ZBTB46: variants seen among roughly 807,000 people sequenced by gnomAD.
The protein encoded by ZBTB46 is zinc finger and BTB domain containing 46.
In ZBTB46, 8 loss-of-function variants were observed where a neutral mutation model predicts 44.1. The observed-to-expected ratio is 0.18, with a 90% confidence interval of 0.11 to 0.33. The LOEUF is 0.33. ZBTB46 is among the 10% of genes least tolerant of loss of function. The pLI, the probability that ZBTB46 is intolerant of heterozygous loss-of-function variation, is 1.00. For synonymous variants in ZBTB46, 409 were observed against 382.3 expected, an observed-to-expected ratio of 1.07 and a Z score of -0.81; for missense variants, 651 against 847.7, an observed-to-expected ratio of 0.77 and a Z score of 2.88.
At position 63,803,421 on chromosome 20, in the gene ZBTB46, G is replaced by C; in HGVS notation, c.-33-12631C>G. 1.0e-6 allele frequency: 1 copy of C among 985,402 alleles called. No individual in the cohort carries two copies. Among genetic ancestry groups the C allele is most frequent in the African/African-American group, 1.7e-5 (1 of 57,342 alleles). The allele number at this position is 985,402 out of a possible 1,614,324, so 61.0% of individuals were successfully genotyped here. A position where few individuals can be genotyped will look rare whatever the true frequency, so the allele number is the denominator to read the frequency against. On this transcript the variant is annotated intron_variant, in intron 1 of 4. Coordinates refer to ENST00000245663, the MANE Select transcript of ZBTB46 (RefSeq NM_001369741.1). This position sits in a 1 kb window ranked among gnomAD's most constrained non-coding sequence, Gnocchi z 4.0. ...AGACATGTTAGCAGAGTCGTCTTTCGACAGCGAGACCGGTGGTACTATCCA... is the reference window on the plus strand; with the variant it reads ...AGACATGTTAGCAGAGTCGTCTTTCCACAGCGAGACCGGTGGTACTATCCA...
Position 63,796,423 on chromosome 20 carries a change from C to T in ZBTB46, c.-33-5633G>A, listed in dbSNP as rs1401750992. Among the ~76,000 whole-genome samples the T allele has an allele frequency of 5.5e-4, 84 of 152,260 alleles. 2 individuals carry two copies. The highest frequency in any genetic ancestry group is 5.5e-3 in the Admixed American group (84 of 15,284). On this transcript the variant is annotated intron_variant, in intron 1 of 4. Transcript: ENST00000245663. ...CCACTCAGCGGGCAAGAACGACCCTCTCAAACATCAACTCACACTGTTTTA... is the reference window on the plus strand; with the variant it reads ...CCACTCAGCGGGCAAGAACGACCCTTTCAAACATCAACTCACACTGTTTTA...
rs1042737713 is a variant in ZBTB46 at position 63,744,691 on chromosome 20, A to C, written c.*2239T>G. Reference sequence around the variant, plus strand: ...CTCTTCAGTCGGCAAACTGCGAACAAGAACAGGAAATCTGCCACGCAGCAA... The same window carrying C: ...CTCTTCAGTCGGCAAACTGCGAACACGAACAGGAAATCTGCCACGCAGCAA... On this transcript the variant is annotated 3_prime_UTR_variant, in exon 5 of 5. Transcript: ENST00000245663. 6.6e-6 allele frequency: 1 copy of C among 152,422 alleles called. No individual in the cohort carries two copies. Among genetic ancestry groups the C allele is most frequent in the African/African-American group, 2.4e-5 (1 of 41,470 alleles). 9.4% of individuals were successfully genotyped at this position (152,422 alleles called of 1,614,324 possible). A position where few individuals can be genotyped will look rare whatever the true frequency, so the allele number is the denominator to read the frequency against.
In ZBTB46 at chr20:63,803,466, G is replaced by C; in HGVS notation, c.-33-12676C>G. 1.0e-6 allele frequency: 1 copy of C among 985,406 alleles called. No homozygotes were observed. The highest frequency in any genetic ancestry group is 1.2e-6 in the Non-Finnish European group (1 of 829,926). The allele number at this position is 985,406 out of a possible 1,614,324, so 61.0% of individuals were successfully genotyped here. On this transcript the variant is annotated intron_variant, in intron 1 of 4. Coordinates refer to ENST00000245663, the MANE Select transcript of ZBTB46 (RefSeq NM_001369741.1). This position sits in a 1 kb window ranked among gnomAD's most constrained non-coding sequence, Gnocchi z 4.0. Reference sequence around the variant, plus strand: ...TATCCACATCATCTCCAGTGAGCAAGTGGGTGCTGGCGATGAGGACTTTAG... The same window carrying C: ...TATCCACATCATCTCCAGTGAGCAACTGGGTGCTGGCGATGAGGACTTTAG...
intron 3 of ZBTB46, among the ~76,000 whole-genome samples, chr20:63,773,935 A>C (rs2092397999): frequency 6.6e-6 from 1 of 151,884 alleles, no homozygotes. Context: ...TTTGCATTTG[A>C]GAGGGGACGG....
At position 63,828,218 on chromosome 20, in the gene ZBTB46, G is replaced by C. The variant is rs143849137; in HGVS notation, c.-34+2879C>G. 2.9e-3 allele frequency among the ~76,000 whole-genome samples: 447 copies of C among 152,362 alleles called. 4 individuals are homozygous for C. Among genetic ancestry groups the C allele is most frequent in the African/African-American group, 0.01 (430 of 41,590 alleles). ...GTCTGTATATGTGAGGCACTCAAAG[G>C]GTCTAAGTGATAACAGAAAAGCAGG... On this transcript the variant is annotated intron_variant, in intron 1 of 4. Coordinates refer to ENST00000245663, the MANE Select transcript of ZBTB46 (RefSeq NM_001369741.1).
At chr20:63,802,921 C>T (rs994469030) in intron 1 of ZBTB46, among the ~76,000 whole-genome samples, 4 of 152,244 alleles carry the variant, frequency 2.6e-5, no homozygotes, top group Non-Finnish European at 5.9e-5. Context: ...CTCCGGCCTC[C>T]AGGACTGGAG....
intron 2 of ZBTB46, among the ~76,000 whole-genome samples, chr20:63,785,942 G>A (rs970999039): frequency 6.6e-6 from 1 of 152,190 alleles, no homozygotes; most frequent in Non-Finnish European, 1.5e-5. Flanking sequence ...CCTTCTGCTC[G>A]ACAACTGCAT....
intron 3 of ZBTB46, among the ~76,000 whole-genome samples, chr20:63,755,261 C>G (rs570167739): frequency 1.3e-5 from 2 of 152,336 alleles, no homozygotes; most frequent in South Asian, 4.1e-4. Flanking sequence ...AAGCGTGAGG[C>G]TCAGAACAGC....
intron 1 of ZBTB46, among the ~76,000 whole-genome samples, chr20:63,821,692 C>T (rs1473099856): frequency 1.3e-5 from 2 of 152,110 alleles, no homozygotes; most frequent in Non-Finnish European, 2.9e-5. Context: ...AGGTGATCTG[C>T]CCACCTCGGC....
At position 63,747,221 on chromosome 20, in the gene ZBTB46, A is replaced by G. The variant is rs1406198920; in HGVS notation, c.1479T>C (p.His493=). The part of the protein sequence containing the change: ...FMSAASVGIR[H]GSRRHGVCTD... Reference sequence around the variant, plus strand: ...TGCACACACCGTGGCGCCTGGAGCCATGCCTGATGCCCACGCTGGCGGCGG... The same window carrying G: ...TGCACACACCGTGGCGCCTGGAGCCGTGCCTGATGCCCACGCTGGCGGCGG... The change falls in exon 5 of 5, where the codon CAT becomes CAC. Residue 493 remains histidine (H), a synonymous_variant. Transcript: ENST00000245663. 1.3e-6 allele frequency: 2 copies of G among 1,597,896 alleles called. No individual in the cohort carries two copies. The highest frequency in any genetic ancestry group is 1.7e-5 in the Admixed American group (1 of 58,714).
intron 3 of ZBTB46, among the ~76,000 whole-genome samples, chr20:63,765,089 G>C (rs999750306): frequency 1.5e-5 from 2 of 129,462 alleles, no homozygotes; most frequent in African/African-American, 3.2e-5. Flanking sequence ...GTGCATGTGT[G>C]CATGTGTATG....
chr20:63,778,624 G>C (rs540109248), intron 2 of ZBTB46, among the ~76,000 whole-genome samples: 1 of 152,198 alleles, frequency 6.6e-6, no homozygotes, highest in South Asian at 2.1e-4. Flanking sequence ...TGGCAGGAGC[G>C]GGTGGGAGTC....
At chr20:63,796,888 G>A (rs2092608035) in intron 1 of ZBTB46, among the ~76,000 whole-genome samples, 2 of 151,892 alleles carry the variant, frequency 1.3e-5, no homozygotes, top group Admixed American at 1.3e-4. Context: ...TAATCTAACA[G>A]GCCAGGCACG....
In ZBTB46 at chr20:63,767,754, C is replaced by T. The variant is rs1040763597; in HGVS notation, c.1222+7924G>A. The T allele has an allele frequency of 2.6e-5, 11 of 425,140 alleles. No homozygotes were observed. The highest frequency in any genetic ancestry group is 3.5e-5 in the Non-Finnish European group (11 of 317,624). The allele number at this position is 425,140 out of a possible 1,614,324, so 26.3% of individuals were successfully genotyped here. ...GCTGGCCTCAGGGTAAAGCTGTCAGCGCCCAAGGAGCTCCAGGCGAGGCCA... is the reference window on the plus strand; with the variant it reads ...GCTGGCCTCAGGGTAAAGCTGTCAGTGCCCAAGGAGCTCCAGGCGAGGCCA... On this transcript the variant is annotated intron_variant, in intron 3 of 4. Coordinates refer to ENST00000245663, the MANE Select transcript of ZBTB46 (RefSeq NM_001369741.1). This position sits in a 1 kb window ranked among gnomAD's most constrained non-coding sequence, Gnocchi z 5.0.
At chr20:63,820,675 G>A (rs1315789068) in intron 1 of ZBTB46, among the ~76,000 whole-genome samples, 3 of 151,888 alleles carry the variant, frequency 2.0e-5, no homozygotes, top group South Asian at 4.2e-4. Context: ...CAGGTGATCC[G>A]CCCACCTGGG....
chr20:63,789,497 C>T (rs1436126001), intron 2 of ZBTB46, among the ~76,000 whole-genome samples: 1 of 152,200 alleles, frequency 6.6e-6, no homozygotes, highest in Non-Finnish European at 1.5e-5. Context: ...GCTGAGGGGT[C>T]CCCTCCCGGT....
At chr20:63,755,189 G>A (rs1181340736) in intron 3 of ZBTB46, among the ~76,000 whole-genome samples, 2 of 152,224 alleles carry the variant, frequency 1.3e-5, no homozygotes, top group East Asian at 1.9e-4. Flanking sequence ...AGCTGCCTGC[G>A]ATGCACTTCG....
intron 1 of ZBTB46, among the ~76,000 whole-genome samples, chr20:63,821,739 T>C (rs1286553192): frequency 6.6e-6 from 1 of 152,184 alleles, no homozygotes; most frequent in African/African-American, 2.4e-5. Flanking sequence ...TAAGCCACCA[T>C]GTCTGGTCCA....
chr20:63,768,328 T>C (rs2092337826), intron 3 of ZBTB46, among the ~76,000 whole-genome samples: 1 of 152,232 alleles, frequency 6.6e-6, no homozygotes, highest in East Asian at 1.9e-4. Flanking sequence ...AGGAGGCTCA[T>C]GCCTGTGATC....
Sources: allele counts gnomAD v4.1 joint callset (sites outside exome capture counted in the v4.1 genomes callset), GRCh38; gene constraint gnomAD v4.1.1; non-coding constraint Gnocchi (gnomAD v3.1); transcripts MANE v1.5; gene names NCBI Gene and HGNC (gene_info 2026-07-23, HGNC 2026-07-21).